The following PLXNA4 variants were observed in gnomAD, a reference collection of about 807,000 sequenced individuals.
PLXNA4 encodes plexin-A4.
In PLXNA4, 44 loss-of-function variants were observed where a neutral mutation model predicts 191.8. The observed-to-expected ratio is 0.23, with a 90% confidence interval of 0.18 to 0.29. The LOEUF (loss-of-function observed/expected upper bound fraction) is 0.29. Ranked by LOEUF, PLXNA4 falls within the 10% of genes least tolerant of loss-of-function variation. PLXNA4 has a pLI of 1.00. For synonymous variants in PLXNA4, 1,082 were observed against 1,009.5 expected (o/e 1.07, Z -1.36); for missense variants, 1,800 against 2,488.8 (o/e 0.72, Z 5.89).
chr7:132,461,754 G>A lies in PLXNA4; in HGVS notation c.1371+27538C>T, dbSNP rs998332635. Among the ~76,000 whole-genome samples, 3 of 152,168 alleles carry A rather than the reference G, an allele frequency of 2.0e-5. No individual in the cohort carries two copies. The South Asian group carries it at 6.2e-4, about 31-fold the overall frequency. On this transcript the variant is annotated intron_variant, in intron 3 of 31. Transcript: ENST00000321063. ...CCTGTATTCATTGCTCTAAGACAGC[G>A]GAGTCATTTCAACAACTTTGAGGGA...
chr7:132,602,350 G>C (rs1802836479), intron 2 of PLXNA4, among the ~76,000 whole-genome samples: 1 of 152,264 alleles, frequency 6.6e-6, no homozygotes, highest in Middle Eastern at 3.4e-3. Context: ...TTGGAGCTCA[G>C]TCCAGAGCAA....
Position 132,483,934 on chromosome 7 carries a change from C to CGGGTTTATTCAGGTCAGCAA in PLXNA4, c.1371+5338_1371+5357dup, listed in dbSNP as rs527475786. ...AAATTTCACGATGAGAACACCTCCC[C>CGGGTTTATTCAGGTCAGCAA]GGGTTTATTCAGGTCAGCAAGGAGG... On this transcript the variant is annotated intron_variant, in intron 3 of 31. Coordinates refer to ENST00000321063, the MANE Select transcript of PLXNA4 (RefSeq NM_020911.2). Among the ~76,000 whole-genome samples, 334 of 152,242 alleles carry CGGGTTTATTCAGGTCAGCAA rather than the reference C, an allele frequency of 2.2e-3. 1 individual carries two copies. Among genetic ancestry groups the CGGGTTTATTCAGGTCAGCAA allele is most frequent in the African/African-American group, 7.7e-3 (318 of 41,526 alleles).
At chr7:132,218,254 A>T (rs1445457593) in intron 9 of PLXNA4, among the ~76,000 whole-genome samples, 1 of 151,800 alleles carries the variant, frequency 6.6e-6, no homozygotes, top group Non-Finnish European at 1.5e-5. Flanking sequence ...GTATTAGGGG[A>T]TGTTGGGAGA....
Position 132,168,516 on chromosome 7 carries a change from G to A in PLXNA4, c.4074C>T (p.Leu1358=). ...ACAGCAGGAACACCTTGTTGTTGAT[G>A]AGCTGGGCGAAGAGCTTCAGGCCTT... ...VEKGLKLFAQ[L]INNKVFLLSF... The change falls in exon 22 of 32, where the codon CTC becomes CTT. Residue 1358 remains leucine (L), a synonymous_variant. Transcript: ENST00000321063. 1 of 1,612,304 alleles carries A rather than the reference G, an allele frequency of 6.2e-7. No homozygotes were observed. The highest frequency in any genetic ancestry group is 8.5e-7 in the Non-Finnish European group (1 of 1,178,898).
At chr7:132,581,668 A>G (rs112981556), upstream of PLXNA4, among the ~76,000 whole-genome samples, 5,823 of 152,240 alleles carry the variant, frequency 0.038, 272 homozygotes, top group African/African-American at 0.1. Flanking sequence ...CTGCCGTGCC[A>G]TGGCTTTCCA....
chr7:132,131,990 T>C (rs1794941905), intron 31 of PLXNA4, among the ~76,000 whole-genome samples: 1 of 152,206 alleles, frequency 6.6e-6, no homozygotes, highest in Non-Finnish European at 1.5e-5. Context: ...TGGGAGGAAA[T>C]AGAGAACTCG....
chr7:132,194,393 G>A (rs1797187839), intron 13 of PLXNA4, among the ~76,000 whole-genome samples: 2 of 152,198 alleles, frequency 1.3e-5, no homozygotes, highest in Admixed American at 1.3e-4. Context: ...CTCCTTTGAG[G>A]GAGCCTAGAA....
rs374418340 is a variant in PLXNA4 at position 132,298,196 on chromosome 7, G to T, written c.1398C>A (p.Asn466Lys). 60 of 1,613,784 alleles carry T rather than the reference G, an allele frequency of 3.7e-5. No individual in the cohort carries two copies. Among genetic ancestry groups the T allele is most frequent in the Non-Finnish European group, 4.7e-5 (56 of 1,179,932 alleles). Residue 466 changes from asparagine to lysine, a missense_variant, in exon 4 of 32, where the codon AAC becomes AAA. By Grantham distance (94) the Asn-to-Lys change is moderately conservative (BLOSUM62 0). This residue lies in a region of PLXNA4 where 1,397 missense variants were observed against 1,880.4 expected (regional missense o/e 0.74). Coordinates refer to ENST00000321063, the MANE Select transcript of PLXNA4 (RefSeq NM_020911.2). ...CCTGCACCGTCTCATACTGGAGGGC[G>T]TTGCCCCTGGGTCCATCCACCCGGA... ...KKIRVDGPRG[N>K]ALQYETVQVV...
At chr7:132,405,289 G>A (rs1794171589) in intron 3 of PLXNA4, among the ~76,000 whole-genome samples, 1 of 152,076 alleles carries the variant, frequency 6.6e-6, no homozygotes. Context: ...CCGAGTTTTG[G>A]GTTCCTTGTA....
chr7:132,453,265 G>A (rs528328847), intron 3 of PLXNA4, among the ~76,000 whole-genome samples: 1 of 152,270 alleles, frequency 6.6e-6, no homozygotes, highest in African/African-American at 2.4e-5. Flanking sequence ...CAGCAAAGAT[G>A]GGCAAGGCTG....
chr7:132,453,520 C>T (rs776319822), intron 3 of PLXNA4, among the ~76,000 whole-genome samples: 1 of 151,122 alleles, frequency 6.6e-6, no homozygotes, highest in Non-Finnish European at 1.5e-5. Context: ...ATTCCAGTTT[C>T]CCATTGCATC....
chr7:132,135,637 T>G (rs1475666867), intron 30 of PLXNA4, among the ~76,000 whole-genome samples: 3 of 152,216 alleles, frequency 2.0e-5, no homozygotes, highest in Admixed American at 2.0e-4. Context: ...CCCTGTCCAT[T>G]TCTCCAAAGA....
chr7:132,256,481 G>A (rs138967800), intron 4 of PLXNA4, among the ~76,000 whole-genome samples: 1 of 152,112 alleles, frequency 6.6e-6, no homozygotes, highest in Non-Finnish European at 1.5e-5. Context: ...TTGCTGAGTT[G>A]TGGGCCACCC....
chr7:132,154,730 A>G (rs1384860942), intron 25 of PLXNA4, among the ~76,000 whole-genome samples: 15 of 152,196 alleles, frequency 9.9e-5, no homozygotes. Context: ...AGGTGGTGTC[A>G]GTGGGAAGGA....
intron 1 of PLXNA4, among the ~76,000 whole-genome samples, chr7:132,518,745 C>A: frequency 6.6e-6 from 1 of 152,180 alleles, no homozygotes; most frequent in East Asian, 1.9e-4. Context: ...TGGAAGAAGC[C>A]TCTGCAGGAG....
chr7:132,263,969 T>C (rs1326879578), intron 4 of PLXNA4, among the ~76,000 whole-genome samples: 2 of 152,206 alleles, frequency 1.3e-5, no homozygotes, highest in Non-Finnish European at 2.9e-5. Flanking sequence ...GCATAAATGA[T>C]AGTAACTATT....
intron 4 of PLXNA4, among the ~76,000 whole-genome samples, chr7:132,267,045 G>A (rs746208346): frequency 6.6e-6 from 1 of 152,098 alleles, no homozygotes; most frequent in South Asian, 2.1e-4. Flanking sequence ...CTTTGTGAAG[G>A]GCGGGAATTC....
chr7:132,226,131 C>T (rs73155297), intron 8 of PLXNA4, 30 bp downstream of exon 8: 446 of 1,581,374 alleles, frequency 2.8e-4, no homozygotes, highest in Middle Eastern at 3.4e-4. Context: ...ACCCCAGGAA[C>T]GGGAAGTGGG....
chr7:132,620,808 G>A (rs73432849), intron 2 of PLXNA4, among the ~76,000 whole-genome samples: 7,989 of 152,116 alleles, frequency 0.053, 710 homozygotes, highest in African/African-American at 0.18. Context: ...TTAGTCGTTC[G>A]GGCTGCTATC....
Sources: gnomAD v4.1 joint callset for allele counts (sites outside exome capture counted in the v4.1 genomes callset) on GRCh38, gnomAD v4.1.1 for gene constraint, gnomAD v4.1.1 regional missense constraint, MANE v1.5 for transcripts, NCBI Gene and HGNC (gene_info 2026-07-23, HGNC 2026-07-21) for gene names.